C2CD2L: variants seen among roughly 807,000 people sequenced by gnomAD.
C2CD2L encodes the protein phospholipid transfer protein C2CD2L.
C2CD2L carries 24 observed loss-of-function variants against 69.9 expected under a neutral mutation model. The observed-to-expected ratio is 0.34, with a 90% confidence interval of 0.25 to 0.48. The LOEUF (loss-of-function observed/expected upper bound fraction) is 0.48. Ranked by LOEUF, C2CD2L falls within the 20% of genes least tolerant of loss-of-function variation. C2CD2L has a pLI of 0.99. For missense variants in C2CD2L, 811 were observed against 941.5 expected (o/e 0.86, Z 1.81); for synonymous variants, 367 against 391.0 (o/e 0.94, Z 0.72).
chr11:119,107,833 T>C lies in C2CD2L; in HGVS notation c.92T>C (p.Leu31Pro). The C allele has an allele frequency of 6.4e-7, 1 of 1,552,120 alleles. No homozygotes were observed. The highest frequency in any genetic ancestry group is 8.6e-7 in the Non-Finnish European group (1 of 1,160,010). The change falls in exon 1 of 14, where the codon CTG becomes CCG. Residue 31 changes from leucine (L) to proline (P), a missense_variant. Coordinates refer to ENST00000648610, the MANE Select transcript of C2CD2L (RefSeq NM_001290474.2). This position sits in a 1 kb window ranked among gnomAD's most constrained non-coding sequence, Gnocchi z 5.4. ...CTGCTCACGGTGTTCGCCTGGCTGC[T>C]GCAATATGCCCGGGGCTTGTGGCTG... ...ASLLTVFAWL[L>P]QYARGLWLAR...
At position 119,111,614 on chromosome 11, in the gene C2CD2L, C is replaced by T. The variant is rs943270341; in HGVS notation, c.1004C>T (p.Thr335Ile). ...AGGGCTGGATCCGAGGTGGAGTGGA[C>T]AGAAGACCTGGCACTGTAAGGAGTA... ...PARAGSEVEWTEDLALDLGPQ... is the reference protein window; with the variant it reads ...PARAGSEVEWIEDLALDLGPQ... Residue 335 changes from threonine to isoleucine, a missense_variant, in exon 7 of 14, where the codon ACA (threonine) becomes ATA (isoleucine). Transcript: ENST00000648610. The T allele has an allele frequency of 3.7e-6, 6 of 1,612,968 alleles. No homozygotes were observed. The highest frequency in any genetic ancestry group is 5.1e-6 in the Non-Finnish European group (6 of 1,179,290).
chr11:119,105,842 T>C (rs1360254575), upstream of C2CD2L, among the ~76,000 whole-genome samples: 1 of 152,102 alleles, frequency 6.6e-6, no homozygotes, highest in African/African-American at 2.4e-5. Context: ...TGAAGGATTC[T>C]TGGGGGAAGA....
At chr11:119,105,626 A>T (rs1202437425), upstream of C2CD2L, among the ~76,000 whole-genome samples, 1 of 146,548 alleles carries the variant, frequency 6.8e-6, no homozygotes, top group Non-Finnish European at 1.5e-5. Flanking sequence ...GGCAACAGTG[A>T]CTTTCTGTCT....
rs1041882373 is a variant in C2CD2L, at chr11:119,118,329, T to C, written c.*2073T>C. 2.0e-5 allele frequency: 3 copies of C among 152,218 alleles called. No individual in the cohort carries two copies. Among genetic ancestry groups the C allele is most frequent in the African/African-American group, 2.4e-5 (1 of 41,460 alleles). The allele number at this position is 152,218 out of a possible 1,614,324, so 9.4% of individuals were successfully genotyped here. ...ATACCCATTATTTAGCTCCCACTTA[T>C]AAATGAGAATATGCCATATTTGACT... On this transcript the variant is annotated 3_prime_UTR_variant, in exon 14 of 14. Transcript: ENST00000648610.
At chr11:119,112,070 G>A in intron 7 of C2CD2L, 3 of 522,376 alleles carry the variant, frequency 5.7e-6, no homozygotes, top group Middle Eastern at 5.1e-4. Flanking sequence ...AGGGTGGCTT[G>A]CAACTGAGAG....
chr11:119,111,525 C>T lies in C2CD2L; in HGVS notation c.915C>T (p.Thr305=), dbSNP rs139391781. ...ASHLGNELEG[T]EELCCVAELD... ...CTAACTTCTGGTTCATCACAGGCAC[C>T]GAGGAACTGTGCTGTGTAGCTGAAC... Residue 305 remains threonine (T), a synonymous_variant, in exon 7 of 14, where the codon ACC becomes ACT. Transcript: ENST00000648610. 1.1e-5 allele frequency: 18 copies of T among 1,613,650 alleles called. No homozygotes were observed. In the Admixed American group the frequency reaches 1.8e-4, roughly 16 times the overall value.
upstream of C2CD2L, among the ~76,000 whole-genome samples, chr11:119,104,300 A>T (rs2134926728): frequency 6.6e-6 from 1 of 152,120 alleles, no homozygotes. Context: ...TAGGAGGCCA[A>T]TCCTAATAAA....
rs913203528 is a variant in C2CD2L at position 119,117,431 on chromosome 11, G to C, written c.*1175G>C. ...AAAGCTTGGACCCTGTAACTAGACT[G>C]CCTGCCTGGGTTTGAGTCCCAGCTC... On this transcript the variant is annotated 3_prime_UTR_variant, in exon 14 of 14. Coordinates refer to ENST00000648610, the MANE Select transcript of C2CD2L (RefSeq NM_001290474.2). 6.6e-6 allele frequency: 1 copy of C among 152,214 alleles called. No homozygotes were observed. Among genetic ancestry groups the C allele is most frequent in the Non-Finnish European group, 1.5e-5 (1 of 68,050 alleles). The allele number at this position is 152,214 out of a possible 1,614,324, so 9.4% of individuals were successfully genotyped here. A position where few individuals can be genotyped will look rare whatever the true frequency, so the allele number is the denominator to read the frequency against.
At chr11:119,108,361 C>A in intron 1 of C2CD2L, 1 of 407,798 alleles carries the variant, frequency 2.5e-6, no homozygotes, top group Non-Finnish European at 4.3e-6. Context: ...AACGCTAATC[C>A]CTGTGCCTGA....
rs771097735 is a variant in C2CD2L, at chr11:119,111,379, G to A, written c.910+5G>A. 2 of 1,613,622 alleles carry A rather than the reference G, an allele frequency of 1.2e-6. No homozygotes were observed. The highest frequency in any genetic ancestry group is 2.2e-5 in the South Asian group (2 of 91,062). ...ACTTGGGAAATGAGCTGGAAGGTGA[G>A]AGCTGGAAGTGGCTGCGGGACTGCC... On this transcript the variant is annotated splice_donor_5th_base_variant and intron_variant, in intron 6 of 13. Transcript: ENST00000648610.
At chr11:119,106,976 C>G (rs1334394297), upstream of C2CD2L, 1 of 152,266 alleles carries the variant, frequency 6.6e-6, no homozygotes, top group Non-Finnish European at 1.5e-5. Context: ...CTAGCTTCCC[C>G]CAGGAAATGG....
At chr11:119,103,846 T>C (rs1235665455), upstream of C2CD2L, among the ~76,000 whole-genome samples, 1 of 152,262 alleles carries the variant, frequency 6.6e-6, no homozygotes, top group Non-Finnish European at 1.5e-5. Context: ...TTTCAGTACT[T>C]ATCCCACTGC....
At position 119,107,673 on chromosome 11, in the gene C2CD2L, C is replaced by T; in HGVS notation, c.-69C>T. The T allele has an allele frequency of 2.9e-6, 3 of 1,049,936 alleles. No homozygotes were observed. The highest frequency in any genetic ancestry group is 3.3e-5 in the East Asian group (1 of 30,320). 65.0% of individuals were successfully genotyped at this position (1,049,936 alleles called of 1,614,324 possible). A position where few individuals can be genotyped will look rare whatever the true frequency, so the allele number is the denominator to read the frequency against. ...GAGCCCACCTCCTCCCCGCGGCCCG[C>T]CCGGGCCATGCTCCCCCGGGGCAGC... is the stretch of plus-strand genomic sequence containing the variant. On this transcript the variant is annotated 5_prime_UTR_variant, in exon 1 of 14. Coordinates refer to ENST00000648610, the MANE Select transcript of C2CD2L (RefSeq NM_001290474.2). The surrounding 1 kb of genome is among the most constrained non-coding windows in gnomAD (Gnocchi z 5.4).
rs1946682255 is a variant in C2CD2L, at chr11:119,109,530, G to A, written c.355-574G>A. ...AGTCCCCCTGGTACGGATCCCCAAGGCCATGCTCATCTTCATCTCCAAGAA... is the reference window on the plus strand; with the variant it reads ...AGTCCCCCTGGTACGGATCCCCAAGACCATGCTCATCTTCATCTCCAAGAA... On this transcript the variant is annotated intron_variant, in intron 1 of 13. Coordinates refer to ENST00000648610, the MANE Select transcript of C2CD2L (RefSeq NM_001290474.2). This position sits in a 1 kb window ranked among gnomAD's most constrained non-coding sequence, Gnocchi z 5.1. Among the ~76,000 whole-genome samples the A allele has an allele frequency of 6.6e-6, 1 of 152,086 alleles. No homozygotes were observed. Among genetic ancestry groups the A allele is most frequent in the South Asian group, 2.1e-4 (1 of 4,824 alleles).
At position 119,110,950 on chromosome 11, in the gene C2CD2L, C is replaced by A; in HGVS notation, c.674C>A (p.Ala225Asp). 1 of 1,614,056 alleles carries A rather than the reference C, an allele frequency of 6.2e-7. No homozygotes were observed. The highest frequency in any genetic ancestry group is 1.1e-5 in the South Asian group (1 of 91,082). The change falls in exon 4 of 14, where the codon GCC (alanine) becomes GAC (aspartate). Residue 225 changes from alanine (A) to aspartate (D), a missense_variant. Ala to Asp is a moderately radical substitution (Grantham distance 126). Coordinates refer to ENST00000648610, the MANE Select transcript of C2CD2L (RefSeq NM_001290474.2). The surrounding 1 kb of genome is among the most constrained non-coding windows in gnomAD (Gnocchi z 5.7). Reference protein sequence around the residue: ...LSLTVLPKLQARERGEEQVEL... With the variant: ...LSLTVLPKLQDRERGEEQVEL... ...CTAACGGTGCTTCCCAAGCTTCAGG[C>A]CAGGGAGGTAAGGAGGCAGAGCTGG...
intron 1 of C2CD2L, chr11:119,108,338 C>T: frequency 2.1e-6 from 1 of 465,942 alleles, no homozygotes; most frequent in Middle Eastern, 5.5e-4. Context: ...GCACAAGTTG[C>T]TGTTCTCATA....
intron 6 of C2CD2L, 66 bp from the exon 7 acceptor site, chr11:119,111,455 C>T (rs564506700): frequency 1.3e-6 from 2 of 1,592,520 alleles, no homozygotes; most frequent in African/African-American, 1.3e-5. Context: ...AAGGGTACAG[C>T]CTCTTTATTC....
chr11:119,110,905 C>T lies in C2CD2L; in HGVS notation c.629C>T (p.Thr210Ile). Residue 210 changes from threonine to isoleucine, a missense_variant, in exon 4 of 14, where the codon ACT (threonine) becomes ATT (isoleucine). Physicochemically the swap from Thr to Ile is moderately conservative, Grantham distance 89 (BLOSUM62 -1). Coordinates refer to ENST00000648610, the MANE Select transcript of C2CD2L (RefSeq NM_001290474.2). The surrounding 1 kb of genome is among the most constrained non-coding windows in gnomAD (Gnocchi z 5.7). ...GGGCTGCTCATATCCTGGGCCTTCA[C>T]TGATCGCCCAGATCTCAGCCTAACG... ...GEGLLISWAF[T>I]DRPDLSLTVL... 6.2e-7 allele frequency: 1 copy of T among 1,614,180 alleles called. No homozygotes were observed.
At position 119,114,031 on chromosome 11, in the gene C2CD2L, C is replaced by T; in HGVS notation, c.1623+43C>T. Reference sequence around the variant, plus strand: ...AGAGGAGCTGGGATGGGGAGAAAGCCCTAATGGGTCGGTCACTCCTGCCCA... The same window carrying T: ...AGAGGAGCTGGGATGGGGAGAAAGCTCTAATGGGTCGGTCACTCCTGCCCA... On this transcript the variant is annotated intron_variant, in intron 12 of 13. Transcript: ENST00000648610. This position sits in a 1 kb window ranked among gnomAD's most constrained non-coding sequence, Gnocchi z 5.1. 6.2e-7 allele frequency: 1 copy of T among 1,613,472 alleles called. No homozygotes were observed. The highest frequency in any genetic ancestry group is 8.5e-7 in the Non-Finnish European group (1 of 1,179,498).
Sources: allele counts gnomAD v4.1 joint callset (sites outside exome capture counted in the v4.1 genomes callset), GRCh38; gene constraint gnomAD v4.1.1; non-coding constraint Gnocchi (gnomAD v3.1); transcripts MANE v1.5; gene names NCBI Gene and HGNC (gene_info 2026-07-23, HGNC 2026-07-21).